Variants in SMIM31 observed in about 807,000 individuals in gnomAD.
The protein encoded by SMIM31 is human epithelial cell program regulator.
At chr4:164,786,701 G>A (rs1024179528) in intron 2 of SMIM31, among the ~76,000 whole-genome samples, 4 of 152,138 alleles carry the variant, frequency 2.6e-5, no homozygotes, top group Non-Finnish European at 5.9e-5. Flanking sequence ...AGGCTTTATA[G>A]GTATAGATCC....
intron 2 of SMIM31, among the ~76,000 whole-genome samples, chr4:164,793,641 A>G (rs1560832300): frequency 6.6e-6 from 1 of 152,164 alleles, no homozygotes. Context: ...TGCAGGGAAA[A>G]AGAGCAAGAT....
chr4:164,780,580 G>A (rs1056200237), intron 2 of SMIM31, among the ~76,000 whole-genome samples: 33 of 152,202 alleles, frequency 2.2e-4, no homozygotes, highest in Admixed American at 2.2e-3. Flanking sequence ...GCTGTAAAAG[G>A]ATCAGTAGCT....
At chr4:164,796,054 C>T (rs919429190) in intron 2 of SMIM31, among the ~76,000 whole-genome samples, 6 of 152,190 alleles carry the variant, frequency 3.9e-5, no homozygotes, top group African/African-American at 1.4e-4. Context: ...GGCTAATTCT[C>T]AGTGGGCTTA....
At chr4:164,762,100 A>T (rs917592218) in intron 1 of SMIM31, among the ~76,000 whole-genome samples, 3 of 152,146 alleles carry the variant, frequency 2.0e-5, no homozygotes, top group African/African-American at 7.2e-5. Context: ...GCTCACACAG[A>T]GCTCACTCTA....
intron 1 of SMIM31, among the ~76,000 whole-genome samples, chr4:164,767,157 G>C (rs1732730727): frequency 6.6e-6 from 1 of 152,176 alleles, no homozygotes; most frequent in Non-Finnish European, 1.5e-5. Flanking sequence ...TAGAAGAGGA[G>C]TGGATCTGAT....
chr4:164,780,295 C>T (rs1322947462), intron 2 of SMIM31, among the ~76,000 whole-genome samples: 2 of 152,108 alleles, frequency 1.3e-5, no homozygotes, highest in Admixed American at 6.5e-5. Flanking sequence ...GGCGTGGTGG[C>T]GCATGCCTGT....
intron 2 of SMIM31, among the ~76,000 whole-genome samples, chr4:164,781,129 T>TACACACACACACACAC (rs138037586): frequency 1.5e-4 from 21 of 144,450 alleles, no homozygotes; most frequent in African/African-American, 5.3e-4. Context: ...TACATTTACA[T>TACACACACACACACAC]ACACACACAC....
intron 2 of SMIM31, among the ~76,000 whole-genome samples, chr4:164,800,185 A>G (rs1432921764): frequency 6.6e-6 from 1 of 151,772 alleles, no homozygotes; most frequent in Non-Finnish European, 1.5e-5. Flanking sequence ...AGTCACAATT[A>G]CATTTAAAGG....
chr4:164,785,956 A>G (rs990614316), intron 2 of SMIM31, among the ~76,000 whole-genome samples: 3 of 152,146 alleles, frequency 2.0e-5, no homozygotes, highest in African/African-American at 7.2e-5. Context: ...TAAAAATCAC[A>G]TATTATGAGG....
At chr4:164,772,273 T>TC (rs35275600) in intron 2 of SMIM31, among the ~76,000 whole-genome samples, 52,780 of 151,778 alleles carry the variant, frequency 0.35, 9,512 homozygotes, top group South Asian at 0.54. Context: ...AACACCCAGA[T>TC]TCATGAGAAC....
intron 2 of SMIM31, among the ~76,000 whole-genome samples, chr4:164,791,101 G>C (rs1268539811): frequency 2.0e-5 from 3 of 152,010 alleles, no homozygotes; most frequent in African/African-American, 7.2e-5. Flanking sequence ...TTTTTTTCCA[G>C]ATCACAGATA....
chr4:164,778,701 A>G (rs1732909150), intron 2 of SMIM31, among the ~76,000 whole-genome samples: 1 of 152,170 alleles, frequency 6.6e-6, no homozygotes, highest in South Asian at 2.1e-4. Flanking sequence ...GTGCCCAAGG[A>G]GAGGAAGAGG....
Position 164,755,916 on chromosome 4 carries a change from T to C in SMIM31, c.-26+1505T>C, listed in dbSNP as rs75027577. On this transcript the variant is annotated intron_variant, in intron 1 of 2. Transcript: ENST00000507311. ...ATCATGAACATCCAAATGCCTTCCA[T>C]GTAGATTGTACAATTAGCATTTTGC... Among the ~76,000 whole-genome samples the C allele has an allele frequency of 1.6e-3, 242 of 152,324 alleles. 1 individual carries two copies. The highest frequency in any genetic ancestry group is 4.4e-3 in the African/African-American group (182 of 41,574).
At chr4:164,792,244 G>A (rs189715984) in intron 2 of SMIM31, among the ~76,000 whole-genome samples, 13 of 152,072 alleles carry the variant, frequency 8.5e-5, no homozygotes, top group South Asian at 4.1e-4. Context: ...TTTTCAAAGC[G>A]GTTTCTTGAA....
At chr4:164,797,287 A>T (rs1183592838) in intron 2 of SMIM31, among the ~76,000 whole-genome samples, 1 of 151,856 alleles carries the variant, frequency 6.6e-6, no homozygotes, top group African/African-American at 2.4e-5. Flanking sequence ...ATATTTTGTT[A>T]TTTATTGTCT....
At chr4:164,796,821 C>A (rs1359620904) in intron 2 of SMIM31, among the ~76,000 whole-genome samples, 1 of 152,200 alleles carries the variant, frequency 6.6e-6, no homozygotes, top group Admixed American at 6.5e-5. Context: ...CATCTCTCAC[C>A]CCAGAGTATG....
intron 2 of SMIM31, among the ~76,000 whole-genome samples, chr4:164,795,790 T>C (rs957402209): frequency 1.3e-5 from 2 of 152,146 alleles, no homozygotes; most frequent in Non-Finnish European, 2.9e-5. Context: ...ATAATGCATT[T>C]AATAACTGTT....
At chr4:164,795,754 A>G (rs1733182589) in intron 2 of SMIM31, among the ~76,000 whole-genome samples, 2 of 152,156 alleles carry the variant, frequency 1.3e-5, no homozygotes, top group Non-Finnish European at 2.9e-5. Context: ...TGTTGTAAGA[A>G]ATCAAGTATT....
chr4:164,766,028 G>A (rs17045473), intron 1 of SMIM31, among the ~76,000 whole-genome samples: 1,695 of 152,234 alleles, frequency 0.011, 30 homozygotes, highest in African/African-American at 0.038. Context: ...AGGGAGCCGC[G>A]AGAGAATGAA....
Sources: gnomAD v4.1 joint callset for allele counts (sites outside exome capture counted in the v4.1 genomes callset) on GRCh38, gnomAD v4.1.1 for gene constraint, MANE v1.5 for transcripts, NCBI Gene and HGNC (gene_info 2026-07-23, HGNC 2026-07-21) for gene names.